Variants in ADCY1 observed in about 807,000 individuals in gnomAD.
ADCY1 encodes adenylate cyclase 1.
A neutral mutation model predicts 105.4 loss-of-function variants in ADCY1; 28 were observed. The observed-to-expected ratio is 0.27, with a 90% CI of 0.20 to 0.36. The LOEUF (loss-of-function observed/expected upper bound fraction) is 0.36. ADCY1 is among the 10% of genes least tolerant of loss of function. ADCY1 has a pLI of 1.00. For synonymous variants in ADCY1, 655 were observed against 623.8 expected, an observed-to-expected ratio of 1.05 and a Z score of -0.75; for missense variants, 977 against 1,434.2, an observed-to-expected ratio of 0.68 and a Z score of 5.15.
intron 5 of ADCY1, among the ~76,000 whole-genome samples, chr7:45,655,015 T>G (rs1452548964): frequency 6.6e-6 from 1 of 152,196 alleles, no homozygotes; most frequent in Admixed American, 6.5e-5. Flanking sequence ...TTCTAGAAAT[T>G]CTGCCTAGGT....
intron 8 of ADCY1, among the ~76,000 whole-genome samples, chr7:45,667,453 A>G (rs915091875): frequency 1.3e-5 from 2 of 152,086 alleles, no homozygotes; most frequent in African/African-American, 4.8e-5. Flanking sequence ...GTGTGGCATT[A>G]TTTCTGAGGG....
In ADCY1 at chr7:45,686,340, G is replaced by A. The variant is rs574187701; in HGVS notation, c.2327+125G>A. On this transcript the variant is annotated intron_variant, in intron 13 of 19. Coordinates refer to ENST00000297323, the MANE Select transcript of ADCY1 (RefSeq NM_021116.4). The surrounding 1 kb of genome is among the most constrained non-coding windows in gnomAD (Gnocchi z 4.3). ...AGTTGAATTGTATACACAATTTTTA[G>A]TTTGGTGGCTGCTTCTCTTCAACCC... is the stretch of plus-strand genomic sequence containing the variant. The A allele has an allele frequency of 7.6e-6, 11 of 1,446,746 alleles. No individual in the cohort carries two copies. Among genetic ancestry groups the A allele is most frequent in the Non-Finnish European group, 1.0e-5 (11 of 1,080,076 alleles). The allele number at this position is 1,446,746 out of a possible 1,614,324, so 89.6% of individuals were successfully genotyped here.
At position 45,629,559 on chromosome 7, in the gene ADCY1, C is replaced by T. The variant is rs899393185; in HGVS notation, c.1020+6816C>T. On this transcript the variant is annotated intron_variant, in intron 4 of 19. Coordinates refer to ENST00000297323, the MANE Select transcript of ADCY1 (RefSeq NM_021116.4). ...CGGAGTCTCGCTCTGTCGCCCAGGC[C>T]GGACTGCGGACTGCAGTGGCGCAAT... Among the ~76,000 whole-genome samples, 88 of 150,832 alleles carry T rather than the reference C, an allele frequency of 5.8e-4. 1 individual carries two copies. The highest frequency in any genetic ancestry group is 6.8e-3 in the Middle Eastern group (2 of 292).
chr7:45,574,985 G>C lies in ADCY1; in HGVS notation c.442G>C (p.Gly148Arg). The change falls in exon 1 of 20, where the codon GGT becomes CGT. Residue 148 changes from glycine (G) to arginine (R), a missense_variant. Physicochemically the swap from Gly to Arg is moderately radical, Grantham distance 125. Transcript: ENST00000297323. The surrounding 1 kb of genome is among the most constrained non-coding windows in gnomAD (Gnocchi z 7.0). ...CPFALGGPAR[G>R]SAGAAGGPAT... ...TTTCGCGCTGGGCGGCCCCGCCCGG[G>C]GTTCCGCCGGGGCCGCTGGGGGGCC... is the stretch of plus-strand genomic sequence containing the variant. 6.2e-7 allele frequency: 1 copy of C among 1,610,864 alleles called. No individual in the cohort carries two copies. Among genetic ancestry groups the C allele is most frequent in the Non-Finnish European group, 8.5e-7 (1 of 1,178,962 alleles).
At chr7:45,711,735 G>C (rs1379121923) in intron 19 of ADCY1, among the ~76,000 whole-genome samples, 2 of 140,298 alleles carry the variant, frequency 1.4e-5, no homozygotes, top group Non-Finnish European at 3.1e-5. Flanking sequence ...ATATATGTGT[G>C]TATATATACG....
chr7:45,685,623 A>G (rs775385129), intron 12 of ADCY1, among the ~76,000 whole-genome samples: 1 of 150,806 alleles, frequency 6.6e-6, no homozygotes, highest in Non-Finnish European at 1.5e-5. Flanking sequence ...CATGATTAAC[A>G]GGACAGAGCC....
intron 4 of ADCY1, among the ~76,000 whole-genome samples, chr7:45,639,452 C>T (rs1794482216): frequency 6.6e-6 from 1 of 152,176 alleles, no homozygotes; most frequent in Non-Finnish European, 1.5e-5. Context: ...GCATACAGTT[C>T]CTTCATCCAT....
At chr7:45,646,591 GGACACCTGGGAAACA>G (rs1246815441) in intron 4 of ADCY1, among the ~76,000 whole-genome samples, 1 of 152,182 alleles carries the variant, frequency 6.6e-6, no homozygotes, top group Non-Finnish European at 1.5e-5. Context: ...TGAAACATTT[GGACACCTGGGAAACA>G]GCACTGTGGG....
At chr7:45,690,751 A>T (rs2037023932) in intron 14 of ADCY1, among the ~76,000 whole-genome samples, 1 of 152,266 alleles carries the variant, frequency 6.6e-6, no homozygotes. Flanking sequence ...GAGCCTCTTT[A>T]TGATGGGCTG....
chr7:45,581,291 C>T (rs1195832428), intron 1 of ADCY1, among the ~76,000 whole-genome samples: 1 of 152,222 alleles, frequency 6.6e-6, no homozygotes, highest in African/African-American at 2.4e-5. Flanking sequence ...CTACCCCTTA[C>T]CGTCACTTAC....
intron 4 of ADCY1, among the ~76,000 whole-genome samples, chr7:45,633,728 G>A (rs1347011183): frequency 6.6e-6 from 1 of 151,628 alleles, no homozygotes; most frequent in South Asian, 2.1e-4. Context: ...CTTGAACCCG[G>A]GAGGCAGAGG....
At position 45,591,705 on chromosome 7, in the gene ADCY1, C is replaced by T. The variant is rs1452670558; in HGVS notation, c.640-1054C>T. On this transcript the variant is annotated intron_variant, in intron 1 of 19. Coordinates refer to ENST00000297323, the MANE Select transcript of ADCY1 (RefSeq NM_021116.4). The surrounding 1 kb of genome is among the most constrained non-coding windows in gnomAD (Gnocchi z 4.1). ...GGCCCTGCATGGCTCGTCAGAGTTG[C>T]CTGTGTCCAGACCCAGTGGTCTGCA... 6.6e-6 allele frequency among the ~76,000 whole-genome samples: 1 copy of T among 152,240 alleles called. No individual in the cohort carries two copies. The highest frequency in any genetic ancestry group is 2.4e-5 in the African/African-American group (1 of 41,464).
intron 1 of ADCY1, among the ~76,000 whole-genome samples, chr7:45,590,869 C>G (rs539571265): frequency 6.6e-6 from 1 of 152,290 alleles, no homozygotes; most frequent in Non-Finnish European, 1.5e-5. Context: ...CTGCCTGTGC[C>G]TTTGCCAGTG....
At chr7:45,642,367 A>G (rs1350427994) in intron 4 of ADCY1, among the ~76,000 whole-genome samples, 1 of 152,182 alleles carries the variant, frequency 6.6e-6, no homozygotes, top group Non-Finnish European at 1.5e-5. Context: ...ATTAGATTAG[A>G]CAAAGGGTGG....
chr7:45,659,596 G>A (rs1211827663), intron 6 of ADCY1, among the ~76,000 whole-genome samples: 7 of 152,176 alleles, frequency 4.6e-5, no homozygotes, highest in African/African-American at 1.7e-4. Flanking sequence ...GAACACCGTG[G>A]CCACCCCTGA....
At chr7:45,663,749 G>T (rs1795192178) in intron 8 of ADCY1, among the ~76,000 whole-genome samples, 1 of 152,130 alleles carries the variant, frequency 6.6e-6, no homozygotes, top group Admixed American at 6.5e-5. Flanking sequence ...AACCCGGGAG[G>T]TGGAGGTTGC....
At chr7:45,677,807 G>T in intron 8 of ADCY1, 62 bp from the exon 9 acceptor site, 1 of 1,549,678 alleles carries the variant, frequency 6.5e-7, no homozygotes, top group Non-Finnish European at 8.8e-7. Flanking sequence ...GGAGAGTACA[G>T]GTGCTTTTCT....
At chr7:45,619,425 T>G (rs1793829916) in intron 3 of ADCY1, among the ~76,000 whole-genome samples, 1 of 152,220 alleles carries the variant, frequency 6.6e-6, no homozygotes, top group Non-Finnish European at 1.5e-5. Flanking sequence ...CTAATCACCC[T>G]GATTTGATAA....
chr7:45,574,920 C>A lies in ADCY1; in HGVS notation c.377C>A (p.Ala126Glu). 6.2e-7 allele frequency: 1 copy of A among 1,611,934 alleles called. No individual in the cohort carries two copies. Among genetic ancestry groups the A allele is most frequent in the South Asian group, 1.1e-5 (1 of 91,072 alleles). Residue 126 changes from alanine (A) to glutamate (E), a missense_variant, in exon 1 of 20, where the codon GCG becomes GAG. By Grantham distance (107) the Ala-to-Glu change is moderately radical. Transcript: ENST00000297323. The surrounding 1 kb of genome is among the most constrained non-coding windows in gnomAD (Gnocchi z 7.0). ...VPQLQQVGQL[A>E]LLFSLTFALL... ...CAGCTGCAGCAGGTCGGCCAGCTGG[C>A]GCTGCTCTTCAGCCTCACCTTCGCG...
Sources: gnomAD v4.1 joint callset for allele counts (sites outside exome capture counted in the v4.1 genomes callset) on GRCh38, gnomAD v4.1.1 for gene constraint, Gnocchi (gnomAD v3.1) non-coding constraint, MANE v1.5 for transcripts, NCBI Gene and HGNC (gene_info 2026-07-23, HGNC 2026-07-21) for gene names.